The following LRRTM4 variants were observed in gnomAD, a reference collection of about 807,000 sequenced individuals.
LRRTM4 encodes leucine-rich repeat transmembrane neuronal protein 4.
Under a neutral mutation model 47.6 loss-of-function variants are expected in LRRTM4, and 25 were observed. That is an observed-to-expected ratio of 0.53 (90% CI 0.38 to 0.73). LRRTM4 has a LOEUF of 0.73. LRRTM4 is among the 30% of genes least tolerant of loss of function. The pLI, the probability that LRRTM4 is intolerant of heterozygous loss-of-function variation, is 0.00. For synonymous variants in LRRTM4, 311 were observed against 269.5 expected, an observed-to-expected ratio of 1.15 and a Z score of -1.51; for missense variants, 638 against 713.4, an observed-to-expected ratio of 0.89 and a Z score of 1.20.
At chr2:76,913,738 C>T (rs1217859081) in intron 3 of LRRTM4, among the ~76,000 whole-genome samples, 1 of 151,862 alleles carries the variant, frequency 6.6e-6, no homozygotes, top group East Asian at 1.9e-4. Flanking sequence ...AGGGTTTCGC[C>T]ATGTTGGTCT....
chr2:76,763,845 A>G (rs1468838988), intron 3 of LRRTM4, among the ~76,000 whole-genome samples: 1 of 152,186 alleles, frequency 6.6e-6, no homozygotes, highest in African/African-American at 2.4e-5. Flanking sequence ...TGTACATTGT[A>G]GCATGTTTAG....
intron 3 of LRRTM4, among the ~76,000 whole-genome samples, chr2:77,109,675 A>G (rs1303402329): frequency 6.6e-6 from 1 of 152,142 alleles, no homozygotes; most frequent in African/African-American, 2.4e-5. Flanking sequence ...CATTGTAAAT[A>G]CAAGACAGTA....
intron 3 of LRRTM4, among the ~76,000 whole-genome samples, chr2:76,837,588 A>G (rs1671551467): frequency 2.6e-5 from 4 of 152,292 alleles, no homozygotes; most frequent in Admixed American, 2.6e-4. Flanking sequence ...ATTACTGGGT[A>G]TATACCCAAA....
intron 3 of LRRTM4, among the ~76,000 whole-genome samples, chr2:77,457,638 T>C (rs775301666): frequency 3.3e-5 from 5 of 152,124 alleles, no homozygotes; most frequent in Non-Finnish European, 7.4e-5. Flanking sequence ...TAAAACATAA[T>C]GTAATCTTCC....
rs372254830 is a variant in LRRTM4, at chr2:76,748,704, A to T, written c.1764T>A (p.Ile588=). The T allele has an allele frequency of 2.7e-5, 44 of 1,610,420 alleles. No individual in the cohort carries two copies. In the African/African-American group the frequency reaches 5.1e-4, roughly 19 times the overall value. ...SAAPAIYLER[I]AN ...GGAGTTGGCTTCAGCGTTAGTTTGC[A>T]ATTCTCTCTAGGTAGATGGCCGGTG... Residue 588 remains isoleucine (I), a synonymous_variant, in exon 4 of 4, where the codon ATT becomes ATA. Transcript: ENST00000409884.
At chr2:77,046,264 G>C (rs768382245) in intron 3 of LRRTM4, among the ~76,000 whole-genome samples, 2 of 151,946 alleles carry the variant, frequency 1.3e-5, no homozygotes, top group Non-Finnish European at 2.9e-5. Flanking sequence ...TAAAGTGCAG[G>C]CTGTTTCCTT....
intron 3 of LRRTM4, among the ~76,000 whole-genome samples, chr2:77,226,203 A>G (rs955678159): frequency 6.6e-6 from 1 of 151,928 alleles, no homozygotes; most frequent in Non-Finnish European, 1.5e-5. Flanking sequence ...TATTTCACTT[A>G]AAATGTTTCA....
At chr2:77,398,026 C>T (rs573409562) in intron 3 of LRRTM4, among the ~76,000 whole-genome samples, 4 of 151,920 alleles carry the variant, frequency 2.6e-5, no homozygotes, top group African/African-American at 7.2e-5. Flanking sequence ...GTCATCTACC[C>T]GTTAGGCTTT....
chr2:77,440,243 T>A (rs1675784802), intron 3 of LRRTM4, among the ~76,000 whole-genome samples: 2 of 151,882 alleles, frequency 1.3e-5, no homozygotes. Flanking sequence ...TGAGAACCCG[T>A]CTCTACTAAA....
chr2:77,450,145 T>C (rs1676201806), intron 3 of LRRTM4, among the ~76,000 whole-genome samples: 1 of 152,150 alleles, frequency 6.6e-6, no homozygotes, highest in South Asian at 2.1e-4. Flanking sequence ...AAAACACTTT[T>C]AATATGATAT....
At chr2:76,974,397 A>G (rs953460350) in intron 3 of LRRTM4, among the ~76,000 whole-genome samples, 1 of 150,772 alleles carries the variant, frequency 6.6e-6, no homozygotes, top group Admixed American at 6.7e-5. Context: ...TAACTTGAGA[A>G]CACTAAAAGG....
chr2:76,886,491 A>G (rs1359441374), intron 3 of LRRTM4, among the ~76,000 whole-genome samples: 3 of 152,114 alleles, frequency 2.0e-5, no homozygotes, highest in Admixed American at 2.0e-4. Flanking sequence ...GTTCTATCCA[A>G]TGTAATACAA....
At chr2:77,093,308 C>A (rs1177988692) in intron 3 of LRRTM4, among the ~76,000 whole-genome samples, 2 of 149,296 alleles carry the variant, frequency 1.3e-5, no homozygotes, top group African/African-American at 5.1e-5. Flanking sequence ...TCTCCTTAGG[C>A]ACTCTCTAAT....
intron 3 of LRRTM4, among the ~76,000 whole-genome samples, chr2:77,143,305 G>A (rs560662864): frequency 2.6e-5 from 4 of 152,160 alleles, no homozygotes; most frequent in African/African-American, 9.6e-5. Flanking sequence ...AAAATTTGGG[G>A]CAGTTATTAT....
At chr2:77,299,976 G>A (rs1462892767) in intron 3 of LRRTM4, among the ~76,000 whole-genome samples, 3 of 151,124 alleles carry the variant, frequency 2.0e-5, no homozygotes, top group East Asian at 2.0e-4. Context: ...CTCAGCCTGC[G>A]GAGTAACTGG....
chr2:76,983,723 CAGAA>C (rs1676692776), intron 3 of LRRTM4, among the ~76,000 whole-genome samples: 1 of 152,024 alleles, frequency 6.6e-6, no homozygotes, highest in South Asian at 2.1e-4. Flanking sequence ...CAATCATACA[CAGAA>C]AGAAATGATG....
chr2:76,778,904 A>G (rs1465286647), intron 3 of LRRTM4, among the ~76,000 whole-genome samples: 1 of 151,694 alleles, frequency 6.6e-6, no homozygotes, highest in African/African-American at 2.4e-5. Context: ...ATTTAGTGCT[A>G]TAAATTTCCC....
rs1254059245 is a variant in LRRTM4 at position 76,841,687 on chromosome 2, T to G, written c.1552-92771A>C. On this transcript the variant is annotated intron_variant, in intron 3 of 3. Coordinates refer to ENST00000409884, the MANE Select transcript of LRRTM4 (RefSeq NM_001134745.3). Reference sequence around the variant, plus strand: ...GAGAAAAAAAAAAAAAACTTTACTGTGTATATATATATAAAAGAATTCAAG... The same window carrying G: ...GAGAAAAAAAAAAAAAACTTTACTGGGTATATATATATAAAAGAATTCAAG... 2.8e-5 allele frequency among the ~76,000 whole-genome samples: 4 copies of G among 145,278 alleles called. No individual in the cohort carries two copies. In the East Asian group the frequency reaches 7.9e-4, roughly 29 times the overall value.
intron 3 of LRRTM4, among the ~76,000 whole-genome samples, chr2:77,000,893 T>C (rs947739600): frequency 2.2e-4 from 34 of 152,120 alleles, no homozygotes; most frequent in Admixed American, 2.2e-3. Context: ...TCTTGTACAC[T>C]GGGAATCTCC....
Sources: allele counts gnomAD v4.1 joint callset (sites outside exome capture counted in the v4.1 genomes callset), GRCh38; gene constraint gnomAD v4.1.1; transcripts MANE v1.5; gene names NCBI Gene and HGNC (gene_info 2026-07-23, HGNC 2026-07-21).